ESRRG: variants seen among roughly 807,000 people sequenced by gnomAD.
ESRRG encodes estrogen related receptor gamma, also known as estrogen-related receptor gamma.
Under a neutral mutation model 44.0 loss-of-function variants are expected in ESRRG, and 13 were observed. The ratio of observed to expected loss-of-function variants is 0.30; its 90% confidence interval spans 0.19 to 0.47. The LOEUF (loss-of-function observed/expected upper bound fraction) is 0.47. Among genes scored for constraint, ESRRG ranks in the 20% least tolerant of loss-of-function variants. The probability of loss-of-function intolerance (pLI) is 1.00; values close to 1 mark genes in which losing one functional copy is unlikely to be tolerated. For synonymous variants in ESRRG, 215 were observed against 214.6 expected (o/e 1.00, Z -0.02); for missense variants, 395 against 580.6 (o/e 0.68, Z 3.29).
At chr1:217,069,957 G>A (rs968620035) in intron 1 of ESRRG, among the ~76,000 whole-genome samples, 1 of 152,068 alleles carries the variant, frequency 6.6e-6, no homozygotes, top group Non-Finnish European at 1.5e-5. Context: ...TACAAAAAAT[G>A]GTCACCTATT....
chr1:216,619,208 A>AGCACATGTGTGCATGCTCAC (rs796081678), intron 3 of ESRRG, among the ~76,000 whole-genome samples: 45 of 152,360 alleles, frequency 3.0e-4, no homozygotes, highest in African/African-American at 9.9e-4. Flanking sequence ...TCCATGCTTA[A>AGCACATGTGTGCATGCTCAC]GCACATGTGT....
At chr1:216,828,203 A>C (rs2095429456) in intron 2 of ESRRG, among the ~76,000 whole-genome samples, 1 of 152,182 alleles carries the variant, frequency 6.6e-6, no homozygotes, top group South Asian at 2.1e-4. Flanking sequence ...GCTATTATGG[A>C]AATGGATTCC....
At chr1:216,999,490 G>A (rs368881944) in intron 1 of ESRRG, among the ~76,000 whole-genome samples, 14 of 152,110 alleles carry the variant, frequency 9.2e-5, no homozygotes, top group East Asian at 7.7e-4. Context: ...GAGTTAATCA[G>A]ACCAACTTTA....
intron 6 of ESRRG, among the ~76,000 whole-genome samples, chr1:216,518,681 A>G (rs1349878163): frequency 6.6e-6 from 1 of 152,200 alleles, no homozygotes; most frequent in East Asian, 1.9e-4. Context: ...TTTGACTTCT[A>G]AAGAACTCCA....
At chr1:216,766,943 A>G (rs1272090093) in intron 2 of ESRRG, among the ~76,000 whole-genome samples, 1 of 152,164 alleles carries the variant, frequency 6.6e-6, no homozygotes, top group African/African-American at 2.4e-5. Flanking sequence ...TTTCTGAGCT[A>G]AAGAAATTTT....
At chr1:216,978,953 G>T (rs965695288) in intron 1 of ESRRG, among the ~76,000 whole-genome samples, 4 of 152,124 alleles carry the variant, frequency 2.6e-5, no homozygotes, top group African/African-American at 9.7e-5. Context: ...CAGTGACCAT[G>T]TGCACATGAG....
At position 216,614,203 on chromosome 1, in the gene ESRRG, G is replaced by A. The variant is rs536457300; in HGVS notation, c.589+36770C>T. ...GGCCTCAGAGCGATTAAATTGTGGC[G>A]GAGATGGAGGGCCTTCCGCTCCCAT... On this transcript the variant is annotated intron_variant, in intron 3 of 6. Transcript: ENST00000408911. Among the ~76,000 whole-genome samples the A allele has an allele frequency of 1.2e-4, 18 of 152,332 alleles. No homozygotes were observed. The South Asian group carries it at 1.9e-3, about 16-fold the overall frequency.
rs1425426149 is a variant in ESRRG, at chr1:217,106,389, TATGCAC to T, written c.-230+31272_-230+31277del. On this transcript the variant is annotated intron_variant, in intron 1 of 8. Transcript: ENST00000366940. Reference sequence around the variant, plus strand: ...ACATACATCTATTCACACACTCACATATGCACACACACACACACACACACACACACG... The same window carrying T: ...ACATACATCTATTCACACACTCACATACACACACACACACACACACACACG... Among the ~76,000 whole-genome samples, 85 of 145,214 alleles carry T rather than the reference TATGCAC, an allele frequency of 5.9e-4. No individual in the cohort carries two copies. The South Asian group carries it at 6.1e-3, about 10-fold the overall frequency.
intron 2 of ESRRG, among the ~76,000 whole-genome samples, chr1:216,930,327 C>T (rs534552327): frequency 3.3e-5 from 5 of 152,086 alleles, no homozygotes; most frequent in Non-Finnish European, 2.9e-5. Context: ...TCAACTTTGC[C>T]CTCCCCCATG....
chr1:216,586,730 C>G (rs553208565), intron 3 of ESRRG, among the ~76,000 whole-genome samples: 1 of 141,882 alleles, frequency 7.0e-6, no homozygotes, highest in Non-Finnish European at 1.5e-5. Context: ...CGCCCACCAC[C>G]ATGCCTGGCT....
intron 2 of ESRRG, among the ~76,000 whole-genome samples, chr1:216,853,579 C>A (rs2095872409): frequency 6.6e-6 from 1 of 152,082 alleles, no homozygotes. Context: ...CTCAATGGTC[C>A]CACAACATAC....
intron 2 of ESRRG, among the ~76,000 whole-genome samples, chr1:216,878,773 T>C (rs569858491): frequency 1.3e-5 from 2 of 152,238 alleles, no homozygotes; most frequent in Non-Finnish European, 2.9e-5. Context: ...CAAAATAGGC[T>C]GTTGAAGAAT....
intron 3 of ESRRG, among the ~76,000 whole-genome samples, chr1:216,635,772 C>G (rs1220653933): frequency 2.0e-5 from 3 of 152,008 alleles, no homozygotes; most frequent in Non-Finnish European, 4.4e-5. Context: ...GACCTCTGAC[C>G]CCAGCGAGAC....
At chr1:216,600,625 T>C (rs1026276687) in intron 3 of ESRRG, among the ~76,000 whole-genome samples, 12 of 152,134 alleles carry the variant, frequency 7.9e-5, no homozygotes, top group Non-Finnish European at 1.8e-4. Context: ...ACCCAGGTAT[T>C]AAGCCTAGTA....
chr1:216,969,874 C>T (rs563113584), intron 1 of ESRRG, among the ~76,000 whole-genome samples: 30 of 152,184 alleles, frequency 2.0e-4, no homozygotes, highest in African/African-American at 2.9e-4. Context: ...GCATGAGCCA[C>T]GGTGCCCAGC....
intron 1 of ESRRG, among the ~76,000 whole-genome samples, chr1:216,696,836 G>C (rs1328589645): frequency 6.6e-6 from 1 of 151,870 alleles, no homozygotes; most frequent in Non-Finnish European, 1.5e-5. Flanking sequence ...AAATAAAATG[G>C]GGTACTAATA....
chr1:216,896,052 A>G (rs561153575), intron 2 of ESRRG, among the ~76,000 whole-genome samples: 3 of 152,378 alleles, frequency 2.0e-5, no homozygotes, highest in South Asian at 4.1e-4. Context: ...GGGTAAGAGT[A>G]TACAAATGAT....
intron 2 of ESRRG, 138 bp downstream of exon 2, chr1:216,676,938 T>G: frequency 1.6e-6 from 1 of 640,038 alleles, no homozygotes. Flanking sequence ...CCACTATCAA[T>G]TGTAATCTAT....
chr1:216,828,661 G>C (rs2095437083), intron 2 of ESRRG, among the ~76,000 whole-genome samples: 1 of 152,172 alleles, frequency 6.6e-6, no homozygotes, highest in Non-Finnish European at 1.5e-5. Context: ...CTCGGGCACA[G>C]GGAATAAACC....
Sources: allele counts gnomAD v4.1 joint callset (sites outside exome capture counted in the v4.1 genomes callset), GRCh38; gene constraint gnomAD v4.1.1; transcripts MANE v1.5; gene names NCBI Gene and HGNC (gene_info 2026-07-23, HGNC 2026-07-21).